FN1: variants seen among roughly 807,000 people sequenced by gnomAD.
FN1 encodes the protein fibronectin.
Under a neutral mutation model 297.3 loss-of-function variants are expected in FN1, and 106 were observed. That is an observed-to-expected ratio of 0.36 (90% CI 0.30 to 0.42). FN1 has a LOEUF of 0.42. Among genes scored for constraint, FN1 ranks in the 10% least tolerant of loss-of-function variants. The pLI is 1.00. For missense variants in FN1, 2,690 were observed against 3,124.9 expected (o/e 0.86, Z 3.32); for synonymous variants, 1,149 against 1,152.6 (o/e 1.00, Z 0.06).
chr2:215,361,599 T>G lies in FN1; in HGVS notation c.7390A>C (p.Met2464Leu). 6.2e-7 allele frequency: 1 copy of G among 1,612,244 alleles called. No individual in the cohort carries two copies. The highest frequency in any genetic ancestry group is 8.5e-7 in the Non-Finnish European group (1 of 1,178,646). Residue 2464 changes from methionine (M) to leucine (L), a missense_variant, in exon 46 of 46, where the codon ATG becomes CTG. Coordinates refer to ENST00000354785, the MANE Select transcript of FN1 (RefSeq NM_212482.4). ...CTGTCAGCCTGTACATCTAAAGGCA[T>G]GAAGCACTCAATTGGGCAATTAACA... ...TNVNCPIECF[M>L]PLDVQADRED... is the part of the protein sequence containing the mutation.
At chr2:215,401,248 AAGG>A (rs1341776307) in intron 20 of FN1, among the ~76,000 whole-genome samples, 560 of 41,318 alleles carry the variant, frequency 0.014, 27 homozygotes, top group Non-Finnish European at 0.019. Flanking sequence ...GAAAGAAAGA[AAGG>A]AAGAAAGAAA....
intron 38 of FN1, 120 bp downstream of exon 38, chr2:215,375,094 T>G: frequency 9.7e-7 from 1 of 1,034,070 alleles, no homozygotes; most frequent in Non-Finnish European, 1.5e-6. Flanking sequence ...TTTTTGAGGT[T>G]ATCAGGAACA....
At chr2:215,377,366 G>C (rs1281439343) in intron 35 of FN1, among the ~76,000 whole-genome samples, 1 of 152,166 alleles carries the variant, frequency 6.6e-6, no homozygotes, top group African/African-American at 2.4e-5. Context: ...CCTGGTGAGA[G>C]GTGTTTGGAT....
Position 215,428,184 on chromosome 2 carries a change from C to A in FN1, c.840G>T (p.Ser280=). 1.2e-6 allele frequency: 2 copies of A among 1,614,068 alleles called. No individual in the cohort carries two copies. Among genetic ancestry groups the A allele is most frequent in the South Asian group, 2.2e-5 (2 of 91,074 alleles). ...CCTGCTCGTCCTGTGCCTCACCGCT[C>A]GATGTGGTCTGCACAGAGGTGTGCC... ...CERHTSVQTT[S]SGSGPFTDVR... Residue 280 remains serine (S), a synonymous_variant, in exon 6 of 46, where the codon TCG becomes TCT. Coordinates refer to ENST00000354785, the MANE Select transcript of FN1 (RefSeq NM_212482.4).
At chr2:215,406,710 G>C (rs1043299088) in intron 18 of FN1, among the ~76,000 whole-genome samples, 200 bp from the exon 19 acceptor site, 2 of 152,168 alleles carry the variant, frequency 1.3e-5, no homozygotes, top group African/African-American at 4.8e-5. Flanking sequence ...ATCTAAAATA[G>C]GTAATAAGTG....
Position 215,383,336 on chromosome 2 carries a change from G to T in FN1, c.5042C>A (p.Ala1681Glu). 6.2e-7 allele frequency: 1 copy of T among 1,614,110 alleles called. No homozygotes were observed. The highest frequency in any genetic ancestry group is 8.5e-7 in the Non-Finnish European group (1 of 1,179,966). ...NGPGPTKTKT[A>E]GPDQTEMTIE... ...ATGCAGATGATTCTTACCTGGACCT[G>T]CAGTTTTAGTTTTTGTTGGTCCTGG... The change falls in exon 31 of 46, where the codon GCA (alanine) becomes GAA (glutamate). Residue 1681 changes from alanine to glutamate, a missense_variant. This residue lies in a region of FN1 where 1,743 missense variants were observed against 1,945.2 expected (regional missense o/e 0.90). Coordinates refer to ENST00000354785, the MANE Select transcript of FN1 (RefSeq NM_212482.4).
intron 44 of FN1, among the ~76,000 whole-genome samples, chr2:215,363,925 C>A (rs866740429): frequency 6.6e-6 from 1 of 152,182 alleles, no homozygotes; most frequent in Non-Finnish European, 1.5e-5. Context: ...TATTTTCTTA[C>A]CAGAAGACAG....
rs1175868139 is a variant in FN1, at chr2:215,393,068, A to T, written c.3932T>A (p.Ile1311Asn). The T allele has an allele frequency of 1.2e-6, 2 of 1,614,106 alleles. No homozygotes were observed. The highest frequency in any genetic ancestry group is 1.1e-5 in the South Asian group (1 of 91,070). ...TVVAAGEGIP[I>N]FEDFVDSSVG... Reference sequence around the variant, plus strand: ...TGAGGAGTCCACAAAATCTTCAAAAATAGGGATACCTTCTCCTGCCGCAAC... The same window carrying T: ...TGAGGAGTCCACAAAATCTTCAAAATTAGGGATACCTTCTCCTGCCGCAAC... Residue 1311 changes from isoleucine (I) to asparagine (N), a missense_variant, in exon 25 of 46, where the codon ATT becomes AAT. Transcript: ENST00000354785.
chr2:215,433,739 G>C (rs1438858355), intron 2 of FN1, among the ~76,000 whole-genome samples: 4 of 152,208 alleles, frequency 2.6e-5, no homozygotes, highest in Non-Finnish European at 5.9e-5. Context: ...ACTTATGACA[G>C]AGCTAGATTT....
chr2:215,389,709 G>C (rs997737674), intron 26 of FN1, among the ~76,000 whole-genome samples: 3 of 152,172 alleles, frequency 2.0e-5, no homozygotes, highest in African/African-American at 7.2e-5. Context: ...AGAATCACTT[G>C]AGCCTTGGTG....
At chr2:215,424,402 A>T (rs1559572152) in intron 7 of FN1, 77 bp from the exon 8 acceptor site, 5 of 1,195,222 alleles carry the variant, frequency 4.2e-6, no homozygotes, top group Non-Finnish European at 6.2e-6. Flanking sequence ...TTATGGCTTC[A>T]ATGAGATACT....
chr2:215,426,143 C>CTTTTTTTT (rs58002948), intron 6 of FN1, among the ~76,000 whole-genome samples: 6 of 101,058 alleles, frequency 5.9e-5, no homozygotes, highest in African/African-American at 7.1e-5. Flanking sequence ...TTTCTTTTTT[C>CTTTTTTTT]TTTTTTTTTT....
intron 4 of FN1, 53 bp downstream of exon 4, chr2:215,431,780 C>T: frequency 1.3e-6 from 2 of 1,599,398 alleles, no homozygotes; most frequent in Non-Finnish European, 1.7e-6. Context: ...CTGGTCCAAC[C>T]CCACATTAGA....
Position 215,381,278 on chromosome 2 carries a change from A to G in FN1, c.5165-198T>C. 4 of 627,528 alleles carry G rather than the reference A, an allele frequency of 6.4e-6. No individual in the cohort carries two copies. In the South Asian group the frequency reaches 7.5e-5, roughly 12 times the overall value. The allele number at this position is 627,528 out of a possible 1,614,324, so 38.9% of individuals were successfully genotyped here. On this transcript the variant is annotated intron_variant, in intron 32 of 45. Transcript: ENST00000354785. ...AATATGCAATGTTGCATCACTTATT[A>G]AAACATAGGTGTATGTGAGATAAGC...
Position 215,424,289 on chromosome 2 carries a change from T to C in FN1, c.1073A>G (p.Glu358Gly), listed in dbSNP as rs549420972. ...GTAGGTGAATGGTAAGACACATGGC[T>C]CTCCATTTGAGTTGCCACCGTAAGT... ...TQTYGGNSNG[E>G]PCVLPFTYNG... The change falls in exon 8 of 46, where the codon GAG (glutamate) becomes GGG (glycine). Residue 358 changes from glutamate to glycine, a missense_variant. By Grantham distance (98) the Glu-to-Gly change is moderately conservative. Coordinates refer to ENST00000354785, the MANE Select transcript of FN1 (RefSeq NM_212482.4). 1.1e-5 allele frequency: 18 copies of C among 1,614,080 alleles called. 1 individual carries two copies. In the South Asian group the frequency reaches 1.6e-4, roughly 15 times the overall value.
chr2:215,395,116 C>T (rs1292783829), intron 23 of FN1, among the ~76,000 whole-genome samples: 1 of 152,132 alleles, frequency 6.6e-6, no homozygotes, highest in African/African-American at 2.4e-5. Context: ...TTGAAGACAG[C>T]TGAGGAATAT....
Position 215,420,993 on chromosome 2 carries a change from A to AT in FN1, c.1547-193dup, listed in dbSNP as rs567667480. 1.1e-4 allele frequency: 67 copies of AT among 595,170 alleles called. No homozygotes were observed. The South Asian group carries it at 1.3e-3, about 11-fold the overall frequency. The allele number at this position is 595,170 out of a possible 1,614,324, so 36.9% of individuals were successfully genotyped here. On this transcript the variant is annotated intron_variant, in intron 10 of 45. Transcript: ENST00000354785. ...CAGTAATACAATTTTTGCCAAAAAA[A>AT]TTTTTTTCTTCCCAAAATGTGTAAC... is the stretch of plus-strand genomic sequence containing the variant.
chr2:215,372,158 T>C lies in FN1; in HGVS notation c.6465A>G (p.Thr2155=). ...EHGFRRTTPP[T]TATPIRHRPR... ...GCCTATGCCTTATGGGGGTGGCCGT[T>C]GTGGGCGGTGTGGTCCGCCTAAAAC... Residue 2155 remains threonine (T), a synonymous_variant, in exon 40 of 46, where the codon ACA becomes ACG. Transcript: ENST00000354785. The C allele has an allele frequency of 1.9e-6, 3 of 1,614,220 alleles. No homozygotes were observed. The highest frequency in any genetic ancestry group is 2.5e-6 in the Non-Finnish European group (3 of 1,180,028).
At chr2:215,370,267 G>C (rs753140099) in intron 41 of FN1, 27 bp downstream of exon 41, 79 of 1,612,368 alleles carry the variant, frequency 4.9e-5, no homozygotes, top group Non-Finnish European at 6.4e-5. Context: ...AGGGGAGCCT[G>C]TGTCTAAATA....
Sources: gnomAD v4.1 joint callset for allele counts (sites outside exome capture counted in the v4.1 genomes callset) on GRCh38, gnomAD v4.1.1 for gene constraint, gnomAD v4.1.1 regional missense constraint, MANE v1.5 for transcripts, NCBI Gene and HGNC (gene_info 2026-07-23, HGNC 2026-07-21) for gene names.